DDX52: variants seen among roughly 807,000 people sequenced by gnomAD.
DDX52 encodes the protein DExD-box helicase 52.
In DDX52, 59 loss-of-function variants were observed where a neutral mutation model predicts 76.1. That is an observed-to-expected ratio of 0.78 (90% CI 0.63 to 0.96). The LOEUF (loss-of-function observed/expected upper bound fraction) is 0.96, where lower values mean the gene tolerates loss of function less well. Ranked by LOEUF, DDX52 falls within the 40% of genes least tolerant of loss-of-function variation. The pLI, the probability that DDX52 is intolerant of heterozygous loss-of-function variation, is 0.00. For synonymous variants in DDX52, 231 were observed against 244.1 expected (o/e 0.95, Z 0.50); for missense variants, 707 against 703.9 (o/e 1.00, Z -0.05).
At chr17:37,633,180 A>G in intron 3 of DDX52, 108 bp downstream of exon 3, 2 of 1,224,024 alleles carry the variant, frequency 1.6e-6, no homozygotes, top group Non-Finnish European at 1.1e-6. Context: ...TTAACCTTCT[A>G]TCTTAACAAA....
intron 12 of DDX52, 55 bp downstream of exon 12, chr17:37,620,818 A>G (rs1002694228): frequency 4.0e-6 from 6 of 1,484,158 alleles, no homozygotes; most frequent in Non-Finnish European, 5.5e-6. Flanking sequence ...GAATATACAT[A>G]TAAGAATAAT....
chr17:37,640,687 G>GAAAAA (rs11432784), intron 2 of DDX52, among the ~76,000 whole-genome samples: 1 of 101,746 alleles, frequency 9.8e-6, no homozygotes, highest in African/African-American at 3.2e-5. Flanking sequence ...TACAGTACAA[G>GAAAAA]AAAAAAAAAA....
At chr17:37,632,087 C>G (rs987622668) in intron 4 of DDX52, 26 bp downstream of exon 4, 4 of 1,612,038 alleles carry the variant, frequency 2.5e-6, no homozygotes, top group Non-Finnish European at 3.4e-6. Context: ...AGGAATGTTA[C>G]AGGCATTCTA....
chr17:37,624,523 C>T (rs2030266842), intron 8 of DDX52, 89 bp from the exon 9 acceptor site: 4 of 920,754 alleles, frequency 4.3e-6, no homozygotes, highest in African/African-American at 1.7e-5. Flanking sequence ...TTACACACAA[C>T]TCCAACAAAA....
chr17:37,633,316 C>T lies in DDX52; in HGVS notation c.389G>A (p.Gly130Glu), dbSNP rs2030768890. ...KVQRESKLTS[G>E]KLENLRKEKI... is the part of the protein sequence containing the mutation. ...TTCTTTTCTGAGATTCTCCAACTTT[C>T]CGGAAGTTAGTTTACTTTCTCTCTG... is the stretch of plus-strand genomic sequence containing the variant. Residue 130 changes from glycine to glutamate, a missense_variant, in exon 3 of 15, where the codon GGA becomes GAA. By Grantham distance (98) the Gly-to-Glu change is moderately conservative. Coordinates refer to ENST00000617633, the MANE Select transcript of DDX52 (RefSeq NM_007010.5). 6.2e-7 allele frequency: 1 copy of T among 1,609,356 alleles called. No homozygotes were observed. Among genetic ancestry groups the T allele is most frequent in the Non-Finnish European group, 8.5e-7 (1 of 1,178,558 alleles).
chr17:37,636,558 A>G (rs538754150), intron 2 of DDX52, among the ~76,000 whole-genome samples: 4 of 152,352 alleles, frequency 2.6e-5, no homozygotes, highest in African/African-American at 9.6e-5. Flanking sequence ...AACTAGATCT[A>G]GTCTGAGACA....
chr17:37,641,638 G>A (rs1301840585), intron 2 of DDX52, among the ~76,000 whole-genome samples: 2 of 152,016 alleles, frequency 1.3e-5, no homozygotes, highest in Non-Finnish European at 2.9e-5. Flanking sequence ...TCAGGAGGCT[G>A]AGGCAGGAGA....
At chr17:37,627,899 C>G (rs1028452225) in intron 6 of DDX52, among the ~76,000 whole-genome samples, 7 of 152,016 alleles carry the variant, frequency 4.6e-5, no homozygotes, top group Middle Eastern at 6.8e-3. Flanking sequence ...TCCCAAGTAG[C>G]TAGGACTACA....
In DDX52 at chr17:37,630,174, C is replaced by A; in HGVS notation, c.604-1G>T. 1 of 1,603,568 alleles carries A rather than the reference C, an allele frequency of 6.2e-7. No individual in the cohort carries two copies. The highest frequency in any genetic ancestry group is 2.2e-5 in the East Asian group (1 of 44,738). ...GAGCAGAAGCCAGAAGTTCCCGACCCTAAAAACATAGGGTATATTAAATAC... is the reference window on the plus strand; with the variant it reads ...GAGCAGAAGCCAGAAGTTCCCGACCATAAAAACATAGGGTATATTAAATAC... On this transcript the variant is annotated splice_acceptor_variant, in intron 4 of 14. Coordinates refer to ENST00000617633, the MANE Select transcript of DDX52 (RefSeq NM_007010.5). LOFTEE classifies it high-confidence loss of function.
At position 37,613,986 on chromosome 17, in the gene DDX52, G is replaced by A; in HGVS notation, c.*310C>T. 3.6e-6 allele frequency: 1 copy of A among 278,032 alleles called. No individual in the cohort carries two copies. Among genetic ancestry groups the A allele is most frequent in the African/African-American group, 2.2e-5 (1 of 45,710 alleles). The allele number at this position is 278,032 out of a possible 1,614,324, so 17.2% of individuals were successfully genotyped here. A position where few individuals can be genotyped will look rare whatever the true frequency, so the allele number is the denominator to read the frequency against. ...CATTTAAAAGTCACCTACAGAGCTG[G>A]GTGCAGCAGCTTGTGCCTGTAATCT... is the stretch of plus-strand genomic sequence containing the variant. On this transcript the variant is annotated 3_prime_UTR_variant, in exon 15 of 15. Transcript: ENST00000617633.
At chr17:37,627,904 A>G (rs946122119) in intron 6 of DDX52, among the ~76,000 whole-genome samples, 1 of 151,972 alleles carries the variant, frequency 6.6e-6, no homozygotes, top group African/African-American at 2.4e-5. Flanking sequence ...AGTAGCTAGG[A>G]CTACAGGCAT....
In DDX52 at chr17:37,629,184, G is replaced by A. The variant is rs189519570; in HGVS notation, c.748-512C>T. Among the ~76,000 whole-genome samples the A allele has an allele frequency of 6.7e-3, 1,015 of 150,726 alleles. 9 individuals carry two copies. The highest frequency in any genetic ancestry group is 0.024 in the African/African-American group (969 of 41,020). On this transcript the variant is annotated intron_variant, in intron 5 of 14. Coordinates refer to ENST00000617633, the MANE Select transcript of DDX52 (RefSeq NM_007010.5). ...TGCAGTGAGCCGAGATGGCGCCGCT[G>A]CACTCCAGCCTGGTCCACAGAGCAT...
intron 13 of DDX52, among the ~76,000 whole-genome samples, chr17:37,619,467 A>G (rs1402651743): frequency 6.6e-6 from 1 of 152,172 alleles, no homozygotes; most frequent in African/African-American, 2.4e-5. Context: ...AGGCAAGGAT[A>G]TAAGATAGCA....
At chr17:37,639,505 A>G in intron 2 of DDX52, 1 of 951,012 alleles carries the variant, frequency 1.1e-6, no homozygotes, top group Non-Finnish European at 1.3e-6. Context: ...TGGGAGCCCA[A>G]GGTGGGTGAA....
intron 9 of DDX52, among the ~76,000 whole-genome samples, chr17:37,623,039 G>A (rs987865658): frequency 6.6e-6 from 1 of 152,146 alleles, no homozygotes; most frequent in Admixed American, 6.5e-5. Flanking sequence ...TGAGTCCATG[G>A]TCTTAACCAC....
intron 12 of DDX52, 107 bp downstream of exon 12, chr17:37,620,766 G>C: frequency 7.9e-6 from 9 of 1,133,948 alleles, no homozygotes; most frequent in Non-Finnish European, 1.1e-5. Flanking sequence ...ACCATTATCA[G>C]TAGAATTTGG....
chr17:37,622,994 T>C (rs953418158), intron 9 of DDX52, among the ~76,000 whole-genome samples: 1 of 152,208 alleles, frequency 6.6e-6, no homozygotes, highest in African/African-American at 2.4e-5. Flanking sequence ...AAAGCTATAG[T>C]GGTGGAGCTA....
Position 37,612,918 on chromosome 17 carries a change from G to C in DDX52, c.*1378C>G, listed in dbSNP as rs891235326. On this transcript the variant is annotated 3_prime_UTR_variant, in exon 15 of 15. Transcript: ENST00000617633. ...AGAATATATATTGGGTAAAGGATCT[G>C]TTTGCATGAACAAACAAAAAAATCA... 1 of 152,076 alleles carries C rather than the reference G, an allele frequency of 6.6e-6. No individual in the cohort carries two copies. Among genetic ancestry groups the C allele is most frequent in the Non-Finnish European group, 1.5e-5 (1 of 68,000 alleles). 9.4% of individuals were successfully genotyped at this position (152,076 alleles called of 1,614,324 possible).
Position 37,610,429 on chromosome 17 carries a change from ATTT to A in DDX52, c.*3864_*3866del, listed in dbSNP as rs923474799. The A allele has an allele frequency of 7.2e-6, 1 of 138,546 alleles. No homozygotes were observed. Among genetic ancestry groups the A allele is most frequent in the Admixed American group, 7.8e-5 (1 of 12,900 alleles). The allele number at this position is 138,546 out of a possible 1,614,324, so 8.6% of individuals were successfully genotyped here. A position where few individuals can be genotyped will look rare whatever the true frequency, so the allele number is the denominator to read the frequency against. ...GTGTGAGCCACATGCCTGGGCTGTGATTTTTTTTTTTCTTTTAATCAAACTACT... is the reference window on the plus strand; with the variant it reads ...GTGTGAGCCACATGCCTGGGCTGTGATTTTTTTTCTTTTAATCAAACTACT... On this transcript the variant is annotated 3_prime_UTR_variant, in exon 15 of 15. Transcript: ENST00000617633.
Sources: allele counts gnomAD v4.1 joint callset (sites outside exome capture counted in the v4.1 genomes callset), GRCh38; gene constraint gnomAD v4.1.1; transcripts MANE v1.5; gene names NCBI Gene and HGNC (gene_info 2026-07-23, HGNC 2026-07-21).